Variants in NAV2 observed in about 807,000 individuals in gnomAD.
NAV2 encodes the protein neuron navigator 2, also known as helicase, APC down-regulated 1.
A neutral mutation model predicts 223.2 loss-of-function variants in NAV2; 54 were observed. The ratio of observed to expected loss-of-function variants is 0.24; its 90% CI spans 0.19 to 0.30. The LOEUF (loss-of-function observed/expected upper bound fraction) is 0.30. NAV2 is among the 10% of genes least tolerant of loss of function. NAV2 has a pLI of 1.00. For synonymous variants in NAV2, 1,279 were observed against 1,239.3 expected, an observed-to-expected ratio of 1.03 and a Z score of -0.67; for missense variants, 2,806 against 3,147.5, an observed-to-expected ratio of 0.89 and a Z score of 2.60.
At chr11:19,362,023 C>T (rs1423002645) in intron 1 of NAV2, among the ~76,000 whole-genome samples, 1 of 152,080 alleles carries the variant, frequency 6.6e-6, no homozygotes, top group Non-Finnish European at 1.5e-5. Flanking sequence ...AGGACAGTGG[C>T]TCTGGATGGG....
intron 1 of NAV2, among the ~76,000 whole-genome samples, chr11:19,397,447 T>C (rs34621135): frequency 0.37 from 55,840 of 149,596 alleles, 10,676 homozygotes; most frequent in East Asian, 0.53. Flanking sequence ...GGAATACTGT[T>C]CTTGTGTCTG....
At chr11:19,465,730 C>T (rs1447542772) in intron 1 of NAV2, among the ~76,000 whole-genome samples, 1 of 152,230 alleles carries the variant, frequency 6.6e-6, no homozygotes, top group African/African-American at 2.4e-5. Context: ...CCACTTGATC[C>T]TCAAAACTAT....
At chr11:19,511,116 T>G (rs1222674033) in intron 1 of NAV2, 1 of 152,076 alleles carries the variant, frequency 6.6e-6, no homozygotes, top group East Asian at 1.9e-4. Flanking sequence ...AGCCAGAAAA[T>G]AGCAAAGTCT....
At chr11:19,882,943 A>C (rs1029415132) in intron 5 of NAV2, among the ~76,000 whole-genome samples, 1 of 152,154 alleles carries the variant, frequency 6.6e-6, no homozygotes, top group African/African-American at 2.4e-5. Context: ...TCTTGTTCTC[A>C]AGGTCTAGGG....
intron 1 of NAV2, among the ~76,000 whole-genome samples, chr11:19,781,256 G>C (rs978451103): frequency 1.5e-4 from 23 of 152,314 alleles, no homozygotes; most frequent in African/African-American, 4.6e-4. Flanking sequence ...CTAGAGCGCT[G>C]CAGGGCCTGC....
chr11:19,876,249 A>G lies in NAV2; in HGVS notation c.512-3620A>G, dbSNP rs143405926. 3.4e-3 allele frequency among the ~76,000 whole-genome samples: 517 copies of G among 152,146 alleles called. 3 individuals are homozygous for G. The highest frequency in any genetic ancestry group is 0.011 in the African/African-American group (460 of 41,466). On this transcript the variant is annotated intron_variant, in intron 4 of 37. Coordinates refer to ENST00000349880, the MANE Select transcript of NAV2 (RefSeq NM_145117.5). ...CACCATGTGAGCCAGGCTGGTTTCA[A>G]TCTCTTGACCTTGTGATCTGCCTGC... is the stretch of plus-strand genomic sequence containing the variant.
intron 1 of NAV2, among the ~76,000 whole-genome samples, chr11:19,411,252 A>G (rs1362594890): frequency 1.3e-5 from 2 of 152,142 alleles, no homozygotes; most frequent in Non-Finnish European, 2.9e-5. Context: ...TCAGTTCTGG[A>G]CCACCTTGTC....
intron 1 of NAV2, among the ~76,000 whole-genome samples, chr11:19,740,888 G>A (rs1053803174): frequency 5.3e-5 from 8 of 152,202 alleles, no homozygotes; most frequent in Non-Finnish European, 1.2e-4. Context: ...AGATCACCCA[G>A]CTAGTAACCC....
At chr11:19,726,992 G>C (rs1170175740) in intron 1 of NAV2, among the ~76,000 whole-genome samples, 1 of 152,184 alleles carries the variant, frequency 6.6e-6, no homozygotes, top group African/African-American at 2.4e-5. Context: ...AGGGATGGAT[G>C]GAGTCACCCT....
intron 31 of NAV2, among the ~76,000 whole-genome samples, chr11:20,099,360 G>A (rs550860914): frequency 5.3e-5 from 8 of 152,290 alleles, no homozygotes; most frequent in East Asian, 1.9e-4. Flanking sequence ...CCAAGCATGC[G>A]TTGTTCACTT....
intron 1 of NAV2, among the ~76,000 whole-genome samples, chr11:19,645,247 G>A (rs1328555992): frequency 6.6e-6 from 1 of 152,088 alleles, no homozygotes; most frequent in Non-Finnish European, 1.5e-5. Context: ...GCCAGCAAAG[G>A]CCAGTTTGAG....
chr11:20,108,144 A>T (rs1243815893), intron 36 of NAV2, among the ~76,000 whole-genome samples: 1 of 152,210 alleles, frequency 6.6e-6, no homozygotes, highest in Non-Finnish European at 1.5e-5. Context: ...ATATTCTCCT[A>T]TCTGCCTTTT....
chr11:19,869,400 C>A (rs1048016389), intron 4 of NAV2, among the ~76,000 whole-genome samples: 28 of 152,214 alleles, frequency 1.8e-4, no homozygotes, highest in African/African-American at 6.3e-4. Flanking sequence ...TAATCCTTAT[C>A]TCTTTTATTC....
intron 5 of NAV2, among the ~76,000 whole-genome samples, chr11:19,881,214 G>T (rs2063188959): frequency 1.3e-5 from 2 of 152,188 alleles, no homozygotes; most frequent in South Asian, 4.1e-4. Context: ...GTTAAAACCA[G>T]CACTGATGGG....
chr11:19,888,321 C>T (rs151163610), intron 5 of NAV2, among the ~76,000 whole-genome samples: 4 of 152,248 alleles, frequency 2.6e-5, no homozygotes, highest in South Asian at 2.1e-4. Flanking sequence ...CCTCTCACCA[C>T]GCTGCCTCAG....
chr11:19,475,816 C>T (rs1422550945), intron 1 of NAV2, among the ~76,000 whole-genome samples: 1 of 152,196 alleles, frequency 6.6e-6, no homozygotes, highest in Non-Finnish European at 1.5e-5. Context: ...GTCTGTCCTG[C>T]CTTTCTTGAG....
intron 5 of NAV2, among the ~76,000 whole-genome samples, chr11:19,882,611 G>A (rs1322334068): frequency 6.6e-6 from 1 of 152,166 alleles, no homozygotes; most frequent in African/African-American, 2.4e-5. Context: ...CCATTTCCAT[G>A]GTAGGCGTTT....
intron 1 of NAV2, among the ~76,000 whole-genome samples, chr11:19,704,735 G>A (rs184171739): frequency 5.3e-5 from 8 of 152,214 alleles, no homozygotes; most frequent in Non-Finnish European, 8.8e-5. Flanking sequence ...AATAGAGGCC[G>A]GGCGCGGTGG....
At chr11:19,715,502 C>T (rs1041063517) in intron 1 of NAV2, among the ~76,000 whole-genome samples, 4 of 152,100 alleles carry the variant, frequency 2.6e-5, no homozygotes, top group South Asian at 2.1e-4. Flanking sequence ...TACAGTGACT[C>T]GGGACTGGAG....
Sources: gnomAD v4.1 joint callset for allele counts (sites outside exome capture counted in the v4.1 genomes callset) on GRCh38, gnomAD v4.1.1 for gene constraint, MANE v1.5 for transcripts, NCBI Gene and HGNC (gene_info 2026-07-23, HGNC 2026-07-21) for gene names.